The following NPHP1 variants were observed in gnomAD, a reference collection of about 807,000 sequenced individuals.
NPHP1 encodes the protein nephrocystin-1.
A neutral mutation model predicts 90.4 loss-of-function variants in NPHP1; 70 were observed. The ratio of observed to expected loss-of-function variants is 0.77; its 90% confidence interval spans 0.64 to 0.95. NPHP1 has a LOEUF of 0.95. NPHP1 is among the 40% of genes least tolerant of loss of function. The pLI is 0.00. For missense variants in NPHP1, 764 were observed against 795.9 expected (o/e 0.96, Z 0.48); for synonymous variants, 256 against 271.7 (o/e 0.94, Z 0.57).
intron 6 of NPHP1, among the ~76,000 whole-genome samples, chr2:110,165,630 A>C (rs2104563820): frequency 6.6e-6 from 1 of 152,238 alleles, no homozygotes; most frequent in South Asian, 2.1e-4. Flanking sequence ...CATGACCTAA[A>C]GTCAACAAAG....
In NPHP1 at chr2:110,164,736, G is replaced by A. The variant is rs1358110703; in HGVS notation, c.729-6C>T. On this transcript the variant is annotated splice_polypyrimidine_tract_variant and splice_region_variant and intron_variant, in intron 7 of 19. Coordinates refer to ENST00000445609, the MANE Select transcript of NPHP1 (RefSeq NM_001128178.3). ...CACTCCAGTGGGGATCAGTTCTGGG[G>A]AGACAAAATAGCAAAGTGAGTCAGG... The A allele has an allele frequency of 1.2e-6, 2 of 1,612,732 alleles. No homozygotes were observed. Among genetic ancestry groups the A allele is most frequent in the East Asian group, 4.5e-5 (2 of 44,874 alleles).
chr2:110,181,880 C>A (rs760559800), intron 2 of NPHP1, among the ~76,000 whole-genome samples: 16 of 152,046 alleles, frequency 1.1e-4, no homozygotes, highest in Non-Finnish European at 2.1e-4. Context: ...TGCAAAGAAG[C>A]TAAGAATCAT....
chr2:110,124,712 G>C (rs1276999421), intron 19 of NPHP1: 5 of 178,118 alleles, frequency 2.8e-5, no homozygotes, highest in African/African-American at 1.2e-4. Context: ...TCTACACAGA[G>C]ATATCACCCA....
intron 2 of NPHP1, among the ~76,000 whole-genome samples, chr2:110,196,764 A>G (rs1231204850): frequency 6.6e-6 from 1 of 152,172 alleles, no homozygotes; most frequent in East Asian, 1.9e-4. Context: ...CAAATGTCCA[A>G]CAATGATAGA....
At chr2:110,162,974 C>T (rs942309675) in intron 9 of NPHP1, 74 bp downstream of exon 9, 4 of 961,014 alleles carry the variant, frequency 4.2e-6, no homozygotes, top group Non-Finnish European at 3.4e-6. Flanking sequence ...TGTGTTTTGC[C>T]TGTGACAGAA....
intron 18 of NPHP1, chr2:110,126,792 C>T (rs1679402000): frequency 6.6e-6 from 1 of 152,640 alleles, no homozygotes; most frequent in Non-Finnish European, 1.5e-5. Context: ...GCAAAAACCA[C>T]AGTTCTCTTG....
At chr2:110,140,453 C>G (rs1274484745) in intron 16 of NPHP1, among the ~76,000 whole-genome samples, 1 of 152,150 alleles carries the variant, frequency 6.6e-6, no homozygotes, top group Non-Finnish European at 1.5e-5. Flanking sequence ...AGAGCATTCA[C>G]TGCTTAAGAA....
chr2:110,141,178 G>A (rs369101943), intron 16 of NPHP1, among the ~76,000 whole-genome samples: 2 of 152,006 alleles, frequency 1.3e-5, no homozygotes, highest in Admixed American at 1.3e-4. Context: ...GATTTTACCA[G>A]CTACACATCT....
intron 1 of NPHP1, among the ~76,000 whole-genome samples, chr2:110,202,919 C>T (rs563276028): frequency 1.2e-4 from 19 of 152,100 alleles, no homozygotes; most frequent in African/African-American, 2.7e-4. Context: ...ATCCCATTTC[C>T]GTGTATATAC....
chr2:110,147,057 C>A (rs1353977011), intron 13 of NPHP1, among the ~76,000 whole-genome samples: 1 of 152,132 alleles, frequency 6.6e-6, no homozygotes, highest in Non-Finnish European at 1.5e-5. Flanking sequence ...AAATTGCTCT[C>A]GAAAATCCCT....
rs1216744702 is a variant in NPHP1 at position 110,164,724 on chromosome 2, A to G, written c.735T>C (p.Asp245=). The G allele has an allele frequency of 2.5e-6, 4 of 1,613,658 alleles. No homozygotes were observed. Among genetic ancestry groups the G allele is most frequent in the Non-Finnish European group, 3.4e-6 (4 of 1,179,698 alleles). Residue 245 remains aspartate, a synonymous_variant, in exon 8 of 20, where the codon GAT becomes GAC. Transcript: ENST00000445609. ...CTTTCTGAACAGCACTCCAGTGGGG[A>G]TCAGTTCTGGGGAGACAAAATAGCA... The part of the protein sequence containing the change: ...ADGAEVKQRT[D]PHWSAVQKAI...
At chr2:110,146,865 A>T in intron 13 of NPHP1, 30 bp from the exon 14 acceptor site, 1 of 1,535,170 alleles carries the variant, frequency 6.5e-7, no homozygotes, top group East Asian at 2.2e-5. Flanking sequence ...TATGAAACTT[A>T]AGGTCTGAAC....
intron 4 of NPHP1, among the ~76,000 whole-genome samples, chr2:110,177,602 C>T (rs963465671): frequency 1.3e-5 from 2 of 152,054 alleles, no homozygotes; most frequent in African/African-American, 4.8e-5. Context: ...AAATCCAAAA[C>T]AATCCAAAAC....
intron 2 of NPHP1, among the ~76,000 whole-genome samples, chr2:110,186,715 T>C (rs953754982): frequency 2.0e-5 from 3 of 152,068 alleles, no homozygotes; most frequent in African/African-American, 7.2e-5. Context: ...CCCCACAGAC[T>C]GCAGTGCACT....
chr2:110,173,972 G>A lies in NPHP1; in HGVS notation c.330-3974C>T, dbSNP rs570661917. Among the ~76,000 whole-genome samples, 17 of 151,946 alleles carry A rather than the reference G, an allele frequency of 1.1e-4. No individual in the cohort carries two copies. In the South Asian group the frequency reaches 1.5e-3, roughly 13 times the overall value. On this transcript the variant is annotated intron_variant, in intron 4 of 19. Coordinates refer to ENST00000445609, the MANE Select transcript of NPHP1 (RefSeq NM_001128178.3). ...ACCCTTTCTTTTATCATTATGAAAT[G>A]TCCTTTCTTAAATAGTAAATTACTT... is the stretch of plus-strand genomic sequence containing the variant.
At chr2:110,179,838 T>G (rs1389799705) in intron 2 of NPHP1, among the ~76,000 whole-genome samples, 154 bp from the exon 3 acceptor site, 1 of 152,180 alleles carries the variant, frequency 6.6e-6, no homozygotes, top group African/African-American at 2.4e-5. Context: ...TTCCACCTAT[T>G]AGCTCAGATG....
intron 16 of NPHP1, among the ~76,000 whole-genome samples, chr2:110,137,517 T>C (rs1338469022): frequency 6.6e-6 from 1 of 152,034 alleles, no homozygotes; most frequent in East Asian, 1.9e-4. Flanking sequence ...GGGCGAAGGA[T>C]ATGAACAGAC....
At chr2:110,152,540 A>G (rs1028260680) in intron 11 of NPHP1, among the ~76,000 whole-genome samples, 2 of 150,948 alleles carry the variant, frequency 1.3e-5, no homozygotes, top group African/African-American at 2.4e-5. Context: ...TGTATGCTAT[A>G]TATCACCCCA....
At position 110,192,375 on chromosome 2, in the gene NPHP1, G is replaced by A. The variant is rs531420187; in HGVS notation, c.143+9046C>T. Among the ~76,000 whole-genome samples, 3 of 152,330 alleles carry A rather than the reference G, an allele frequency of 2.0e-5. No homozygotes were observed. In the East Asian group the frequency reaches 5.8e-4, roughly 29 times the overall value. On this transcript the variant is annotated intron_variant, in intron 2 of 19. Coordinates refer to ENST00000445609, the MANE Select transcript of NPHP1 (RefSeq NM_001128178.3). The stretch of plus-strand genomic sequence containing the variant: ...CGTGACGAATGCACAAGCTTCAGTA[G>A]CTGATTCGATCAACTGGAAGAAAGG...
Sources: allele counts gnomAD v4.1 joint callset (sites outside exome capture counted in the v4.1 genomes callset), GRCh38; gene constraint gnomAD v4.1.1; transcripts MANE v1.5; gene names NCBI Gene and HGNC (gene_info 2026-07-23, HGNC 2026-07-21).